Variants in FRA10AC1 observed in about 807,000 individuals in gnomAD.
FRA10AC1 encodes FRA10A associated CGG repeat 1, also known as protein FRA10AC1.
A neutral mutation model predicts 56.5 loss-of-function variants in FRA10AC1; 43 were observed. The observed-to-expected ratio is 0.76, with a 90% CI of 0.60 to 0.98. The LOEUF is 0.98. Among genes scored for constraint, FRA10AC1 ranks in the 50% least tolerant of loss-of-function variants. FRA10AC1 has a pLI of 0.00. For missense variants in FRA10AC1, 346 were observed against 351.8 expected (o/e 0.98, Z 0.13); for synonymous variants, 112 against 110.5 (o/e 1.01, Z -0.09).
At chr10:93,673,417 T>C (rs2058796660) in intron 12 of FRA10AC1, 1 of 454,548 alleles carries the variant, frequency 2.2e-6, no homozygotes. Context: ...CTCAGTTTTT[T>C]TCTTCTTGAC....
chr10:93,701,274 G>A (rs2059327296), intron 1 of FRA10AC1, among the ~76,000 whole-genome samples: 1 of 152,178 alleles, frequency 6.6e-6, no homozygotes, highest in South Asian at 2.1e-4. Context: ...ATGGCTGGAA[G>A]GAACAGTCCA....
At chr10:93,698,226 C>T (rs775014908) in intron 3 of FRA10AC1, 45 bp from the exon 4 acceptor site, 6 of 1,504,078 alleles carry the variant, frequency 4.0e-6, no homozygotes, top group Middle Eastern at 1.7e-4. Context: ...TGTTTATATT[C>T]AAATTAACAT....
chr10:93,669,724 G>A lies in FRA10AC1; in HGVS notation c.*102C>T, dbSNP rs545957890. On this transcript the variant is annotated 3_prime_UTR_variant, in exon 14 of 14. Coordinates refer to ENST00000359204, the MANE Select transcript of FRA10AC1 (RefSeq NM_145246.5). ...TTATTTCCAAAGACAAACCACACAAGCTGTAACTTGCAGATAAAAACTTAT... is the reference window on the plus strand; with the variant it reads ...TTATTTCCAAAGACAAACCACACAAACTGTAACTTGCAGATAAAAACTTAT... 6.7e-6 allele frequency: 5 copies of A among 744,362 alleles called. No individual in the cohort carries two copies. Among genetic ancestry groups the A allele is most frequent in the Admixed American group, 5.7e-5 (2 of 34,792 alleles). The allele number at this position is 744,362 out of a possible 1,614,324, so 46.1% of individuals were successfully genotyped here.
intron 12 of FRA10AC1, chr10:93,674,454 G>C (rs888851447): frequency 2.0e-5 from 3 of 152,162 alleles, no homozygotes; most frequent in Non-Finnish European, 4.4e-5. Flanking sequence ...GGATATCTGG[G>C]GTTGGCATAC....
intron 2 of FRA10AC1, among the ~76,000 whole-genome samples, chr10:93,698,739 CAT>C (rs1435896946): frequency 1.3e-5 from 2 of 152,098 alleles, no homozygotes; most frequent in Non-Finnish European, 2.9e-5. Context: ...CTATCTGTAA[CAT>C]AGTGATAAGG....
chr10:93,674,474 G>C (rs927132550), intron 12 of FRA10AC1: 1 of 152,150 alleles, frequency 6.6e-6, no homozygotes. Flanking sequence ...CCATAACAAT[G>C]TATATGTTTC....
chr10:93,683,846 G>C (rs1157664819), intron 10 of FRA10AC1, among the ~76,000 whole-genome samples: 1 of 151,978 alleles, frequency 6.6e-6, no homozygotes, highest in Non-Finnish European at 1.5e-5. Context: ...ACCTCACATA[G>C]GCCTTTACAT....
At chr10:93,673,568 C>T (rs1171358389) in intron 12 of FRA10AC1, 5 of 354,760 alleles carry the variant, frequency 1.4e-5, no homozygotes, top group Middle Eastern at 6.5e-4. Flanking sequence ...ACTTGCACCA[C>T]TGAAGAAATG....
intron 8 of FRA10AC1, among the ~76,000 whole-genome samples, chr10:93,685,933 T>C (rs2059019473): frequency 6.6e-6 from 1 of 151,900 alleles, no homozygotes; most frequent in Non-Finnish European, 1.5e-5. Context: ...TCAAACCTGA[T>C]ACTCTAAATT....
chr10:93,671,764 T>G, intron 12 of FRA10AC1: 1 of 304,534 alleles, frequency 3.3e-6, no homozygotes, highest in Non-Finnish European at 6.3e-6. Context: ...TATACATACA[T>G]GTAATTTTAT....
chr10:93,702,253 C>CA (rs569149091), intron 1 of FRA10AC1, 122 bp downstream of exon 1: 1,450 of 101,464 alleles, frequency 0.014, 7 homozygotes, highest in African/African-American at 0.032. Context: ...ATCTGTCATC[C>CA]AAAAAAAAAA....
At chr10:93,694,744 AGGCACACCGGAATAGAAAGCAGGG>A in intron 5 of FRA10AC1, 93 bp downstream of exon 5, 1 of 414,740 alleles carries the variant, frequency 2.4e-6, no homozygotes, top group East Asian at 5.7e-5. Context: ...AAAAAAAAAA[AGGCACACCGGAATAGAAAGCAGGG>A]AAGAATGACA....
chr10:93,684,522 T>A (rs2058991997), intron 9 of FRA10AC1, among the ~76,000 whole-genome samples: 1 of 149,442 alleles, frequency 6.7e-6, no homozygotes. Context: ...TTTGCCTTAA[T>A]CTCAGTTCAC....
chr10:93,679,462 C>T (rs1320604136), intron 11 of FRA10AC1, among the ~76,000 whole-genome samples: 1 of 152,114 alleles, frequency 6.6e-6, no homozygotes, highest in East Asian at 1.9e-4. Context: ...TTGGAAATGA[C>T]ATTTAAGAGC....
At chr10:93,687,589 T>A in intron 7 of FRA10AC1, 140 bp from the exon 8 acceptor site, 3 of 819,948 alleles carry the variant, frequency 3.7e-6, no homozygotes, top group Middle Eastern at 2.8e-4. Context: ...TCTTATAGGA[T>A]TTGAAGAAAA....
intron 12 of FRA10AC1, chr10:93,675,186 T>C (rs940890109): frequency 2.0e-5 from 3 of 152,220 alleles, no homozygotes; most frequent in Non-Finnish European, 4.4e-5. Context: ...TCTCCCTCTC[T>C]GCTAAATTTT....
intron 7 of FRA10AC1, among the ~76,000 whole-genome samples, chr10:93,691,219 A>T (rs1483542791): frequency 6.6e-6 from 1 of 152,176 alleles, no homozygotes. Context: ...ACTGTCACCC[A>T]CACTGAAATG....
chr10:93,677,132 G>C (rs751858865), intron 11 of FRA10AC1, among the ~76,000 whole-genome samples: 1 of 151,924 alleles, frequency 6.6e-6, no homozygotes, highest in Non-Finnish European at 1.5e-5. Flanking sequence ...AAACTGATAA[G>C]AACACAACAC....
At chr10:93,696,998 C>A (rs552016268) in intron 4 of FRA10AC1, among the ~76,000 whole-genome samples, 19 of 152,208 alleles carry the variant, frequency 1.2e-4, no homozygotes, top group African/African-American at 4.6e-4. Flanking sequence ...CAGCAAACCA[C>A]CATGGTACAT....
Sources: gnomAD v4.1 joint callset for allele counts (sites outside exome capture counted in the v4.1 genomes callset) on GRCh38, gnomAD v4.1.1 for gene constraint, MANE v1.5 for transcripts, NCBI Gene and HGNC (gene_info 2026-07-23, HGNC 2026-07-21) for gene names.